The following EYS variants were observed in gnomAD, a reference collection of about 807,000 sequenced individuals.
The protein encoded by EYS is EGF-like photoreceptor maintenance factor.
Under a neutral mutation model 282.1 loss-of-function variants are expected in EYS, and 250 were observed. The observed-to-expected ratio is 0.89, with a 90% CI of 0.80 to 0.98. EYS has a LOEUF of 0.98. EYS is among the 50% of genes least tolerant of loss of function. EYS has a pLI of 0.00. For synonymous variants in EYS, 1,355 were observed against 1,282.9 expected, an observed-to-expected ratio of 1.06 and a Z score of -1.20; for missense variants, 4,016 against 3,709.0, an observed-to-expected ratio of 1.08 and a Z score of -2.15.
intron 26 of EYS, among the ~76,000 whole-genome samples, chr6:64,588,658 G>A (rs665873): frequency 0.98 from 148,970 of 152,104 alleles, 72,972 homozygotes; most frequent in East Asian, 1. Context: ...GAACTGTAAG[G>A]TCCTTAGTTT....
At chr6:65,077,556 A>T (rs558359147) in intron 12 of EYS, among the ~76,000 whole-genome samples, 2 of 152,172 alleles carry the variant, frequency 1.3e-5, no homozygotes, top group South Asian at 4.2e-4. Flanking sequence ...TGAAACGCTC[A>T]AACAGAATTA....
intron 2 of EYS, among the ~76,000 whole-genome samples, chr6:65,520,021 A>C (rs1041965566): frequency 6.6e-6 from 1 of 151,472 alleles, no homozygotes. Flanking sequence ...CTCTTTATAG[A>C]TTCACCCTTT....
At chr6:64,949,689 C>T (rs182872246) in intron 14 of EYS, among the ~76,000 whole-genome samples, 20 of 151,912 alleles carry the variant, frequency 1.3e-4, no homozygotes, top group Non-Finnish European at 2.2e-4. Context: ...TTCACTCACA[C>T]CCAAGGGGAG....
intron 5 of EYS, among the ~76,000 whole-genome samples, chr6:65,441,755 A>G (rs555889367): frequency 6.6e-6 from 1 of 152,220 alleles, no homozygotes; most frequent in Admixed American, 6.6e-5. Flanking sequence ...AAGGGACTAA[A>G]TATATATCTA....
chr6:65,253,897 T>C (rs1767392596), intron 12 of EYS, among the ~76,000 whole-genome samples: 2 of 151,814 alleles, frequency 1.3e-5, no homozygotes, highest in African/African-American at 4.8e-5. Context: ...TTTCCCCCAA[T>C]ACAATATAAA....
chr6:64,516,478 AT>A (rs909788726), intron 26 of EYS, among the ~76,000 whole-genome samples: 38 of 151,796 alleles, frequency 2.5e-4, no homozygotes, highest in African/African-American at 5.3e-4. Flanking sequence ...TCAAAATAAT[AT>A]TTTTTTTAAA....
At chr6:65,580,707 AT>A (rs1764836660) in intron 2 of EYS, among the ~76,000 whole-genome samples, 1 of 152,092 alleles carries the variant, frequency 6.6e-6, no homozygotes, top group Non-Finnish European at 1.5e-5. Context: ...GGCATAATGC[AT>A]AATTGGATAC....
At chr6:65,625,145 G>C (rs1349522748) in intron 2 of EYS, among the ~76,000 whole-genome samples, 1 of 152,066 alleles carries the variant, frequency 6.6e-6, no homozygotes, top group Non-Finnish European at 1.5e-5. Flanking sequence ...CAAGCCAATT[G>C]TCAGAAGGAA....
intron 12 of EYS, among the ~76,000 whole-genome samples, chr6:65,258,222 G>GA (rs142091915): frequency 2.0e-5 from 3 of 151,652 alleles, no homozygotes; most frequent in Non-Finnish European, 2.9e-5. Flanking sequence ...GTTAGTGACA[G>GA]AAAAAAAATT....
intron 5 of EYS, among the ~76,000 whole-genome samples, chr6:65,461,070 T>C (rs778244968): frequency 6.6e-6 from 1 of 152,150 alleles, no homozygotes; most frequent in South Asian, 2.1e-4. Context: ...TATTCAGAAA[T>C]TGTATTACTC....
At chr6:64,853,077 T>A (rs1049658414) in intron 19 of EYS, among the ~76,000 whole-genome samples, 1 of 152,168 alleles carries the variant, frequency 6.6e-6, no homozygotes, top group African/African-American at 2.4e-5. Flanking sequence ...AGACCCAAGG[T>A]ATTGTATGAT....
At chr6:63,735,814 A>AATC (rs112165073) in intron 41 of EYS, among the ~76,000 whole-genome samples, 2,307 of 152,208 alleles carry the variant, frequency 0.015, 19 homozygotes, top group East Asian at 0.063. Flanking sequence ...ATATTTCTTC[A>AATC]ATCTGGAACA....
At chr6:64,033,058 T>TC (rs1435654768) in intron 33 of EYS, among the ~76,000 whole-genome samples, 2 of 152,198 alleles carry the variant, frequency 1.3e-5, no homozygotes, top group African/African-American at 4.8e-5. Flanking sequence ...GATGCTCCTA[T>TC]CACTCAGGAG....
intron 11 of EYS, chr6:65,332,264 T>C (rs1485613154): frequency 1.5e-6 from 1 of 663,344 alleles, no homozygotes; most frequent in South Asian, 1.7e-5. Context: ...CATTTTCTTC[T>C]TTATTTATTC....
chr6:63,812,445 C>T (rs1301818739), intron 36 of EYS, among the ~76,000 whole-genome samples: 2 of 152,168 alleles, frequency 1.3e-5, no homozygotes, highest in Non-Finnish European at 2.9e-5. Context: ...CCTTCCCAAC[C>T]CCGTACTCTC....
At chr6:65,460,156 G>A (rs947867172) in intron 5 of EYS, among the ~76,000 whole-genome samples, 55 of 148,696 alleles carry the variant, frequency 3.7e-4, no homozygotes, top group Non-Finnish European at 7.9e-4. Flanking sequence ...AAAATAAAAG[G>A]AAAGAGGAAA....
intron 11 of EYS, among the ~76,000 whole-genome samples, chr6:65,334,645 T>C: frequency 6.6e-6 from 1 of 151,850 alleles, no homozygotes; most frequent in Non-Finnish European, 1.5e-5. Flanking sequence ...TGTTGTTGTT[T>C]TTTGTAGTTG....
intron 22 of EYS, among the ~76,000 whole-genome samples, chr6:64,751,087 T>C (rs1328900024): frequency 2.6e-5 from 4 of 151,972 alleles, no homozygotes; most frequent in African/African-American, 9.7e-5. Flanking sequence ...GCATATCTCC[T>C]GGCTTTTGGT....
At chr6:65,053,665 T>C (rs911187187) in intron 13 of EYS, among the ~76,000 whole-genome samples, 3 of 151,862 alleles carry the variant, frequency 2.0e-5, no homozygotes, top group Admixed American at 1.3e-4. Context: ...TAGTAAATAA[T>C]TTAGGATTTG....
Sources: gnomAD v4.1 joint callset for allele counts (sites outside exome capture counted in the v4.1 genomes callset) on GRCh38, gnomAD v4.1.1 for gene constraint, MANE v1.5 for transcripts, NCBI Gene and HGNC (gene_info 2026-07-23, HGNC 2026-07-21) for gene names.